MSRB3: variants seen among roughly 807,000 people sequenced by gnomAD.
MSRB3 encodes methionine sulfoxide reductase B3.
Under a neutral mutation model 21.0 loss-of-function variants are expected in MSRB3, and 13 were observed. The observed-to-expected ratio is 0.62, with a 90% CI of 0.40 to 0.98. MSRB3 has a LOEUF of 0.98. MSRB3 is among the 50% of genes least tolerant of loss of function. The pLI, the probability that MSRB3 is intolerant of heterozygous loss-of-function variation, is 0.00. For synonymous variants in MSRB3, 87 were observed against 88.6 expected (o/e 0.98, Z 0.10); for missense variants, 199 against 230.3 (o/e 0.86, Z 0.88).
At chr12:65,416,495 A>G (rs1167752868) in intron 5 of MSRB3, among the ~76,000 whole-genome samples, 1 of 152,184 alleles carries the variant, frequency 6.6e-6, no homozygotes, top group Non-Finnish European at 1.5e-5. Flanking sequence ...TGGAGAGCAT[A>G]TACAAACCTA....
intron 2 of MSRB3, among the ~76,000 whole-genome samples, chr12:65,317,558 G>A (rs1874380952): frequency 6.6e-6 from 1 of 152,158 alleles, no homozygotes; most frequent in South Asian, 2.1e-4. Context: ...TAACATGTTA[G>A]CATTTTTTTC....
At chr12:65,350,895 C>T (rs1876930634) in intron 4 of MSRB3, among the ~76,000 whole-genome samples, 1 of 147,668 alleles carries the variant, frequency 6.8e-6, no homozygotes, top group Non-Finnish European at 1.5e-5. Context: ...CAACATTAGA[C>T]AGATCAACGA....
At chr12:65,305,466 T>A (rs2136418320) in intron 1 of MSRB3, among the ~76,000 whole-genome samples, 1 of 152,316 alleles carries the variant, frequency 6.6e-6, no homozygotes, top group Admixed American at 6.5e-5. Flanking sequence ...ATAAGGCTTT[T>A]CATTGCCAGT....
chr12:65,435,873 G>C (rs1882092124), intron 5 of MSRB3, among the ~76,000 whole-genome samples: 1 of 151,796 alleles, frequency 6.6e-6, no homozygotes, highest in Non-Finnish European at 1.5e-5. Context: ...TTTTTTTCTA[G>C]GGAGAGTCCA....
intron 1 of MSRB3, among the ~76,000 whole-genome samples, chr12:65,304,254 TTA>T (rs141317082): frequency 0.015 from 2,226 of 152,282 alleles, 46 homozygotes; most frequent in East Asian, 0.057. Flanking sequence ...AGCGGCTATA[TTA>T]TGTTTCTCAG....
At chr12:65,417,688 T>C (rs558972695) in intron 5 of MSRB3, among the ~76,000 whole-genome samples, 1 of 152,204 alleles carries the variant, frequency 6.6e-6, no homozygotes, top group East Asian at 1.9e-4. Flanking sequence ...TCTGTTTTTG[T>C]GAGTTGAAAT....
At chr12:65,387,692 T>A (rs1190135320) in intron 5 of MSRB3, among the ~76,000 whole-genome samples, 1 of 152,142 alleles carries the variant, frequency 6.6e-6, no homozygotes, top group African/African-American at 2.4e-5. Flanking sequence ...TGTAAAACAA[T>A]ATTTATAATT....
chr12:65,419,998 A>G, intron 5 of MSRB3: 1 of 564,790 alleles, frequency 1.8e-6, no homozygotes, highest in East Asian at 4.7e-5. Context: ...GTTGGTGGAC[A>G]AGGTGGAGCG....
At chr12:65,457,848 AAG>A (rs930224585) in intron 6 of MSRB3, among the ~76,000 whole-genome samples, 16 of 151,790 alleles carry the variant, frequency 1.1e-4, no homozygotes, top group African/African-American at 3.9e-4. Context: ...CCCATTTTTT[AAG>A]AGTTTTATTT....
At chr12:65,443,384 A>G (rs530431898) in intron 5 of MSRB3, among the ~76,000 whole-genome samples, 1 of 152,160 alleles carries the variant, frequency 6.6e-6, no homozygotes, top group Non-Finnish European at 1.5e-5. Context: ...GAAGAAATGC[A>G]CTATTTTTGA....
At chr12:65,413,976 G>T (rs1434775450) in intron 5 of MSRB3, among the ~76,000 whole-genome samples, 1 of 152,132 alleles carries the variant, frequency 6.6e-6, no homozygotes, top group Non-Finnish European at 1.5e-5. Context: ...TGTATACCTG[G>T]TTTTTAAGAA....
At chr12:65,371,882 G>A (rs1335173230) in intron 5 of MSRB3, among the ~76,000 whole-genome samples, 4 of 151,902 alleles carry the variant, frequency 2.6e-5, no homozygotes, top group Admixed American at 2.0e-4. Flanking sequence ...TCAACCTCCT[G>A]TGCTTTTTAA....
intron 5 of MSRB3, among the ~76,000 whole-genome samples, chr12:65,372,917 A>C (rs1406900508): frequency 6.6e-6 from 1 of 152,232 alleles, no homozygotes; most frequent in Non-Finnish European, 1.5e-5. Flanking sequence ...CTTTGCTTAA[A>C]TAAGCTAGGC....
At position 65,278,845 on chromosome 12, in the gene MSRB3, C is replaced by T; in HGVS notation, c.-72C>T. ...TGCCTCTGCCTCTGCCTGGCCGCGG[C>T]TCTGGGAAGTGCGCAGTCCGGTAAG... On this transcript the variant is annotated 5_prime_UTR_variant, in exon 1 of 7. Transcript: ENST00000308259. 1 of 1,563,726 alleles carries T rather than the reference C, an allele frequency of 6.4e-7. No individual in the cohort carries two copies. Among genetic ancestry groups the T allele is most frequent in the Non-Finnish European group, 8.7e-7 (1 of 1,153,904 alleles).
intron 5 of MSRB3, among the ~76,000 whole-genome samples, chr12:65,413,644 A>G (rs1880827715): frequency 6.6e-6 from 1 of 152,218 alleles, no homozygotes. Flanking sequence ...TGCTTGATGT[A>G]CGTTAGTAAA....
chr12:65,364,408 C>T (rs1009015618), intron 4 of MSRB3, among the ~76,000 whole-genome samples: 19 of 152,092 alleles, frequency 1.2e-4, no homozygotes, highest in Middle Eastern at 3.4e-3. Context: ...TGGCAGTTGC[C>T]AAAAGAAACG....
At chr12:65,327,625 C>T (rs1486664800) in intron 3 of MSRB3, among the ~76,000 whole-genome samples, 3 of 152,160 alleles carry the variant, frequency 2.0e-5, no homozygotes, top group East Asian at 3.9e-4. Flanking sequence ...TGGAGCTTGG[C>T]GTAAGACCGT....
rs183652146 is a variant in MSRB3, at chr12:65,426,179, A to G, written c.293-27549A>G. On this transcript the variant is annotated intron_variant, in intron 5 of 6. Transcript: ENST00000308259. ...GCCCAGCCTCTAGTGTTTTTATGTTACTATTTTTTGTCTGTTTTTTAAGTT... is the reference window on the plus strand; with the variant it reads ...GCCCAGCCTCTAGTGTTTTTATGTTGCTATTTTTTGTCTGTTTTTTAAGTT... Among the ~76,000 whole-genome samples, 335 of 152,066 alleles carry G rather than the reference A, an allele frequency of 2.2e-3. 1 individual carries two copies. Among genetic ancestry groups the G allele is most frequent in the African/African-American group, 7.7e-3 (319 of 41,484 alleles).
chr12:65,315,895 A>G (rs1431245836), intron 2 of MSRB3: 1 of 152,184 alleles, frequency 6.6e-6, no homozygotes, highest in East Asian at 1.9e-4. Context: ...AGGCAAGCAA[A>G]GAAAATTCAG....
Sources: allele counts gnomAD v4.1 joint callset (sites outside exome capture counted in the v4.1 genomes callset), GRCh38; gene constraint gnomAD v4.1.1; transcripts MANE v1.5; gene names NCBI Gene and HGNC (gene_info 2026-07-23, HGNC 2026-07-21).